The following TMCC1 variants were observed in gnomAD, a reference collection of about 807,000 sequenced individuals.
TMCC1 encodes the protein transmembrane and coiled-coil domain family 1, also known as transmembrane and coiled-coil domains protein 1.
Under a neutral mutation model 52.4 loss-of-function variants are expected in TMCC1, and 15 were observed. That is an observed-to-expected ratio of 0.29 (90% CI 0.19 to 0.44). The LOEUF (loss-of-function observed/expected upper bound fraction) is 0.44, where lower values mean the gene tolerates loss of function less well. TMCC1 is among the 20% of genes least tolerant of loss of function. The probability of loss-of-function intolerance (pLI) is 1.00; values close to 1 mark genes in which losing one functional copy is unlikely to be tolerated. For missense variants in TMCC1, 503 were observed against 806.0 expected (o/e 0.62, Z 4.55); for synonymous variants, 279 against 301.9 (o/e 0.92, Z 0.79).
intron 4 of TMCC1, among the ~76,000 whole-genome samples, chr3:129,815,491 C>A (rs1366123534): frequency 2.6e-5 from 4 of 152,134 alleles, no homozygotes; most frequent in Admixed American, 2.0e-4. Context: ...CAAGAACATA[C>A]AATGGGGTAA....
At chr3:129,799,639 T>C (rs1376068414) in intron 4 of TMCC1, among the ~76,000 whole-genome samples, 1 of 151,990 alleles carries the variant, frequency 6.6e-6, no homozygotes, top group Non-Finnish European at 1.5e-5. Flanking sequence ...TGAAACCTCA[T>C]CTCTACTAAA....
chr3:129,879,630 G>A (rs1460102801), intron 2 of TMCC1, among the ~76,000 whole-genome samples: 1 of 152,094 alleles, frequency 6.6e-6, no homozygotes, highest in Non-Finnish European at 1.5e-5. Context: ...TTAAAGGTGA[G>A]AAAACAAACA....
chr3:129,805,833 C>G (rs1163435125), intron 4 of TMCC1, among the ~76,000 whole-genome samples: 1 of 151,790 alleles, frequency 6.6e-6, no homozygotes, highest in African/African-American at 2.4e-5. Flanking sequence ...ATTTGGGAGG[C>G]TGAGGTGAGA....
intron 6 of TMCC1, among the ~76,000 whole-genome samples, chr3:129,654,231 C>G (rs1364015857): frequency 6.6e-6 from 1 of 152,118 alleles, no homozygotes; most frequent in African/African-American, 2.4e-5. Context: ...CAGACTGACG[C>G]CAACTATAGA....
chr3:129,791,760 C>G (rs1314503801), intron 4 of TMCC1, among the ~76,000 whole-genome samples: 1 of 152,124 alleles, frequency 6.6e-6, no homozygotes, highest in Non-Finnish European at 1.5e-5. Flanking sequence ...GAGATCCAGT[C>G]AAAGAGAACA....
chr3:129,763,064 A>G (rs962973279), intron 4 of TMCC1, among the ~76,000 whole-genome samples: 4 of 151,130 alleles, frequency 2.6e-5, no homozygotes, highest in Admixed American at 6.6e-5. Flanking sequence ...CGGGCGTAGT[A>G]GCAGGTGCCT....
intron 4 of TMCC1, among the ~76,000 whole-genome samples, chr3:129,710,817 C>T (rs1377340479): frequency 3.9e-5 from 6 of 152,162 alleles, no homozygotes; most frequent in Non-Finnish European, 8.8e-5. Context: ...TGGCCCAAGT[C>T]TTTCTCCCAC....
At chr3:129,874,368 G>T (rs2061083677) in intron 2 of TMCC1, among the ~76,000 whole-genome samples, 1 of 152,118 alleles carries the variant, frequency 6.6e-6, no homozygotes, top group South Asian at 2.1e-4. Context: ...ATTTACTATG[G>T]AATCAATTCC....
chr3:129,691,953 GA>G (rs1304639001), intron 4 of TMCC1, among the ~76,000 whole-genome samples: 1 of 151,874 alleles, frequency 6.6e-6, no homozygotes, highest in Non-Finnish European at 1.5e-5. Flanking sequence ...TCTAAGAAAA[GA>G]AAAAAGTGAA....
intron 4 of TMCC1, among the ~76,000 whole-genome samples, chr3:129,687,234 T>C (rs2089472354): frequency 6.6e-6 from 1 of 152,010 alleles, no homozygotes; most frequent in Non-Finnish European, 1.5e-5. Context: ...CTCTCCGAGA[T>C]AGGAATATAC....
chr3:129,661,152 A>G (rs559576157), intron 5 of TMCC1, among the ~76,000 whole-genome samples: 1 of 152,400 alleles, frequency 6.6e-6, no homozygotes, highest in Non-Finnish European at 1.5e-5. Flanking sequence ...ATGCTTTGTT[A>G]GCAAGCAGCT....
At chr3:129,727,407 G>A (rs970661452) in intron 4 of TMCC1, among the ~76,000 whole-genome samples, 5 of 152,148 alleles carry the variant, frequency 3.3e-5, no homozygotes, top group African/African-American at 1.2e-4. Flanking sequence ...AAATTCTGGG[G>A]AAAACTGATT....
At chr3:129,863,912 T>A (rs2060510491) in intron 2 of TMCC1, among the ~76,000 whole-genome samples, 1 of 151,686 alleles carries the variant, frequency 6.6e-6, no homozygotes, top group Non-Finnish European at 1.5e-5. Flanking sequence ...CAAATCAACA[T>A]CCTCTCCATC....
chr3:129,751,265 C>T (rs561061810), intron 4 of TMCC1, among the ~76,000 whole-genome samples: 1 of 152,008 alleles, frequency 6.6e-6, no homozygotes, highest in East Asian at 1.9e-4. Flanking sequence ...TACAGTGACT[C>T]ACATCTATAA....
intron 4 of TMCC1, among the ~76,000 whole-genome samples, chr3:129,760,014 C>G (rs896463052): frequency 6.6e-6 from 1 of 151,212 alleles, no homozygotes; most frequent in Non-Finnish European, 1.5e-5. Flanking sequence ...AGCCACCGCA[C>G]CCGGCCCAAA....
intron 2 of TMCC1, among the ~76,000 whole-genome samples, chr3:129,856,342 G>A (rs1350710784): frequency 6.6e-6 from 1 of 152,170 alleles, no homozygotes; most frequent in Non-Finnish European, 1.5e-5. Context: ...TGTGGCTGGT[G>A]TCTTAAGTGA....
At chr3:129,836,584 T>A (rs1186550632) in intron 2 of TMCC1, among the ~76,000 whole-genome samples, 1 of 152,152 alleles carries the variant, frequency 6.6e-6, no homozygotes, top group Non-Finnish European at 1.5e-5. Flanking sequence ...TTTACTGCTA[T>A]CCCAGCCTCC....
intron 4 of TMCC1, among the ~76,000 whole-genome samples, chr3:129,784,165 C>G (rs987000771): frequency 1.4e-4 from 21 of 148,724 alleles, no homozygotes. Flanking sequence ...ATTCATGAAA[C>G]TTTTTTTTTT....
At chr3:129,709,866 G>A (rs1004056171) in intron 4 of TMCC1, among the ~76,000 whole-genome samples, 3 of 151,962 alleles carry the variant, frequency 2.0e-5, no homozygotes, top group African/African-American at 4.8e-5. Flanking sequence ...CTTTCATGGT[G>A]ACCAAAATTC....
Sources: gnomAD v4.1 joint callset for allele counts (sites outside exome capture counted in the v4.1 genomes callset) on GRCh38, gnomAD v4.1.1 for gene constraint, MANE v1.5 for transcripts, NCBI Gene and HGNC (gene_info 2026-07-23, HGNC 2026-07-21) for gene names.